The following RGS3 variants were observed in gnomAD, a reference collection of about 807,000 sequenced individuals.
RGS3 encodes regulator of G-protein signalling 3.
RGS3 carries 80 observed loss-of-function variants against 132.6 expected under a neutral mutation model. That is an observed-to-expected ratio of 0.60 (90% CI 0.50 to 0.73). The LOEUF (loss-of-function observed/expected upper bound fraction) is 0.73. Among genes scored for constraint, RGS3 ranks in the 30% least tolerant of loss-of-function variants. The probability of loss-of-function intolerance (pLI) is 0.00; values close to 1 mark genes in which losing one functional copy is unlikely to be tolerated. For synonymous variants in RGS3, 598 were observed against 620.6 expected (o/e 0.96, Z 0.54); for missense variants, 1,382 against 1,530.8 (o/e 0.90, Z 1.62).
intron 10 of RGS3, chr9:113,505,113 G>A: frequency 2.8e-6 from 1 of 361,042 alleles, no homozygotes; most frequent in Non-Finnish European, 5.2e-6. Flanking sequence ...GTCATGCAGT[G>A]CTGGTGGGCC....
intron 14 of RGS3, among the ~76,000 whole-genome samples, chr9:113,509,470 C>G (rs756276133): frequency 2.6e-5 from 4 of 152,148 alleles, no homozygotes; most frequent in Admixed American, 6.5e-5. Flanking sequence ...GATGTCTCTG[C>G]TGCTGGATGG....
Position 113,591,360 on chromosome 9 carries a change from G to A in RGS3, c.3043G>A (p.Asp1015Asn). 1.2e-6 allele frequency: 2 copies of A among 1,613,742 alleles called. No individual in the cohort carries two copies. The highest frequency in any genetic ancestry group is 1.7e-6 in the Non-Finnish European group (2 of 1,179,962). ...GAGCGGGGCTGACACCGTTGGGGAT[G>A]ATGACGAAGCCTCCCGGAAGAGAAA... Residue 1015 changes from aspartate to asparagine, a missense_variant, in exon 21 of 25, where the codon GAT (aspartate) becomes AAT (asparagine). Physicochemically the swap from Asp to Asn is conservative, Grantham distance 23. Coordinates refer to ENST00000350696, the Ensembl canonical transcript of RGS3. This position sits in a 1 kb window ranked among gnomAD's most constrained non-coding sequence, Gnocchi z 4.4.
intron 19 of RGS3, among the ~76,000 whole-genome samples, chr9:113,567,277 A>G (rs1834057372): frequency 6.6e-6 from 1 of 150,394 alleles, no homozygotes; most frequent in African/African-American, 2.5e-5. Flanking sequence ...AACTTCCACA[A>G]CTAGAGCAAA....
intron 1 of RGS3, among the ~76,000 whole-genome samples, chr9:113,460,798 CTT>C (rs1333220634): frequency 5.9e-5 from 9 of 152,044 alleles, no homozygotes; most frequent in Non-Finnish European, 8.8e-5. Flanking sequence ...CACTAAGATT[CTT>C]TGAGAGTTAT....
At chr9:113,513,384 T>C (rs1038510609) in intron 14 of RGS3, among the ~76,000 whole-genome samples, 1 of 152,172 alleles carries the variant, frequency 6.6e-6, no homozygotes, top group Non-Finnish European at 1.5e-5. Flanking sequence ...ATGATTAGAA[T>C]GATTTGTGAG....
At chr9:113,468,214 T>A (rs1829711660) in intron 3 of RGS3, among the ~76,000 whole-genome samples, 1 of 152,252 alleles carries the variant, frequency 6.6e-6, no homozygotes, top group Admixed American at 6.5e-5. Flanking sequence ...TGATCCACTT[T>A]GAGTTAATTT....
intron 19 of RGS3, chr9:113,541,954 G>A (rs1044186335): frequency 1.3e-6 from 1 of 772,620 alleles, no homozygotes; most frequent in African/African-American, 1.9e-5. Flanking sequence ...GTCGGATATG[G>A]TCTCGCTCTC....
intron 5 of RGS3, among the ~76,000 whole-genome samples, chr9:113,483,767 G>T (rs969690135): frequency 3.3e-5 from 5 of 152,196 alleles, no homozygotes; most frequent in Admixed American, 2.6e-4. Context: ...GGCTGACCTG[G>T]AGCCTTCGTG....
At chr9:113,578,280 G>C (rs1252840628) in intron 19 of RGS3, among the ~76,000 whole-genome samples, 3 of 152,200 alleles carry the variant, frequency 2.0e-5, no homozygotes, top group Admixed American at 2.0e-4. Context: ...ATCGTTTATT[G>C]AGTGCTCATG....
At chr9:113,529,060 A>G (rs572494346) in intron 17 of RGS3, among the ~76,000 whole-genome samples, 161 bp from the exon 16 acceptor site, 6 of 152,242 alleles carry the variant, frequency 3.9e-5, no homozygotes, top group Admixed American at 2.0e-4. Context: ...TACGTAGCCA[A>G]TTTTCCTCCA....
At chr9:113,447,323 GTATATGTATATATATATA>G (rs1829126957) in intron 1 of RGS3, among the ~76,000 whole-genome samples, 3 of 29,414 alleles carry the variant, frequency 1.0e-4, no homozygotes, top group Admixed American at 6.3e-4. Context: ...TCTGATGTAT[GTATATGTATATATATATA>G]TATATATATA....
chr9:113,550,149 G>T (rs953269820), intron 19 of RGS3, among the ~76,000 whole-genome samples: 2 of 152,190 alleles, frequency 1.3e-5, no homozygotes, highest in African/African-American at 4.8e-5. Flanking sequence ...GGATCGCTGA[G>T]GTCAGGAGTT....
At chr9:113,514,417 G>A (rs1212965080) in intron 14 of RGS3, 41 bp from the exon 13 acceptor site, 2 of 1,572,124 alleles carry the variant, frequency 1.3e-6, no homozygotes, top group Non-Finnish European at 1.7e-6. Context: ...CTTTGCAGGA[G>A]TGACGGAAAT....
intron 3 of RGS3, among the ~76,000 whole-genome samples, chr9:113,469,873 A>G (rs1481400287): frequency 3.4e-5 from 5 of 149,208 alleles, no homozygotes; most frequent in Non-Finnish European, 7.4e-5. Context: ...ATTAATCAAA[A>G]TTTACTTGAT....
intron 2 of RGS3, chr9:113,461,947 A>G: frequency 6.3e-7 from 1 of 1,591,826 alleles, no homozygotes; most frequent in South Asian, 1.1e-5. Context: ...TCTAGTTCCT[A>G]CTGGGAGTGA....
chr9:113,522,994 A>T, exon 17 of RGS3: 1 of 1,614,112 alleles, frequency 6.2e-7, no homozygotes, highest in Non-Finnish European at 8.5e-7. Context: ...GGCCGCTGCG[A>T]CGTCCTGAGG....
intron 3 of RGS3, among the ~76,000 whole-genome samples, chr9:113,464,219 A>G (rs1183230804): frequency 1.3e-5 from 2 of 152,232 alleles, no homozygotes; most frequent in African/African-American, 4.8e-5. Flanking sequence ...GGTTAAATCA[A>G]GGTCTTGTTA....
chr9:113,569,637 C>CCTTCCTTCCTTA (rs1564584352), intron 19 of RGS3, among the ~76,000 whole-genome samples: 45 of 149,970 alleles, frequency 3.0e-4, no homozygotes, highest in African/African-American at 1.0e-3. Flanking sequence ...TTCCTTCCTT[C>CCTTCCTTCCTTA]CTTCCCTCCT....
chr9:113,594,821 T>G (rs1835672650), intron 22 of RGS3, 98 bp from the exon 21 acceptor site: 1 of 1,178,738 alleles, frequency 8.5e-7, no homozygotes, highest in Non-Finnish European at 1.3e-6. Context: ...AGCTGCAGAC[T>G]GGGCCCAGGG....
Sources: allele counts gnomAD v4.1 joint callset (sites outside exome capture counted in the v4.1 genomes callset), GRCh38; gene constraint gnomAD v4.1.1; non-coding constraint Gnocchi (gnomAD v3.1); transcripts MANE v1.5; gene names NCBI Gene and HGNC (gene_info 2026-07-23, HGNC 2026-07-21).